The following SLC15A4 variants were observed in gnomAD, a reference collection of about 807,000 sequenced individuals.
SLC15A4 encodes solute carrier family 15 member 4, also known as hPHT1.
In SLC15A4, 26 loss-of-function variants were observed where a neutral mutation model predicts 46.1. That is an observed-to-expected ratio of 0.56 (90% CI 0.41 to 0.78). The LOEUF is 0.78. Ranked by LOEUF, SLC15A4 falls within the 30% of genes least tolerant of loss-of-function variation. The probability of loss-of-function intolerance (pLI) is 0.00; values close to 1 mark genes in which losing one functional copy is unlikely to be tolerated. For synonymous variants in SLC15A4, 370 were observed against 333.4 expected, an observed-to-expected ratio of 1.11 and a Z score of -1.20; for missense variants, 751 against 755.7, an observed-to-expected ratio of 0.99 and a Z score of 0.07.
intron 1 of SLC15A4, among the ~76,000 whole-genome samples, chr12:128,818,835 G>C (rs188236691): frequency 1.3e-5 from 2 of 152,078 alleles, no homozygotes; most frequent in Non-Finnish European, 2.9e-5. Context: ...CGCCTCTTCC[G>C]GGCATTCCAC....
intron 1 of SLC15A4, among the ~76,000 whole-genome samples, chr12:128,816,526 A>G (rs1028451045): frequency 6.6e-6 from 1 of 152,164 alleles, no homozygotes. Context: ...CACATTCTCA[A>G]TGGGGCCAAA....
rs1209145600 is a variant in SLC15A4 at position 128,810,226 on chromosome 12, C to A, written c.843-115G>T. 15 of 930,192 alleles carry A rather than the reference C, an allele frequency of 1.6e-5. No individual in the cohort carries two copies. The Admixed American group carries it at 2.8e-4, about 17-fold the overall frequency. The allele number at this position is 930,192 out of a possible 1,614,324, so 57.6% of individuals were successfully genotyped here. A position where few individuals can be genotyped will look rare whatever the true frequency, so the allele number is the denominator to read the frequency against. ...GCTCACTGTATTGAATCTGCTTCAA[C>A]TCATTCCATCACTTACTAATTGTAC... On this transcript the variant is annotated intron_variant, in intron 2 of 7. Transcript: ENST00000266771.
At chr12:128,804,204 T>C (rs1173423151) in intron 5 of SLC15A4, among the ~76,000 whole-genome samples, 1 of 152,208 alleles carries the variant, frequency 6.6e-6, no homozygotes, top group Non-Finnish European at 1.5e-5. Flanking sequence ...CTCAACAAAA[T>C]TTGCCATCAT....
intron 3 of SLC15A4, 91 bp downstream of exon 3, chr12:128,809,852 G>A: frequency 7.5e-7 from 1 of 1,332,516 alleles, no homozygotes; most frequent in Non-Finnish European, 1.0e-6. Context: ...AAATCACCTA[G>A]TCCTACCTAC....
rs765954434 is a variant in SLC15A4 at position 128,808,935 on chromosome 12, T to C, written c.1111A>G (p.Met371Val). Residue 371 changes from methionine to valine, a missense_variant, in exon 5 of 8, where the codon ATG becomes GTG. By Grantham distance (21) the Met-to-Val change is conservative. Transcript: ENST00000266771. ...AGGAGGATGAGCACAGCATCAAACATGGTCAGCCAGGCTGCAGGGAGCTGG... is the reference window on the plus strand; with the variant it reads ...AGGAGGATGAGCACAGCATCAAACACGGTCAGCCAGGCTGCAGGGAGCTGG... ...PHTLPAAWLT[M>V]FDAVLILLLI... is the part of the protein sequence containing the mutation. 1.9e-6 allele frequency: 3 copies of C among 1,613,986 alleles called. No individual in the cohort carries two copies. Among genetic ancestry groups the C allele is most frequent in the Non-Finnish European group, 1.7e-6 (2 of 1,179,916 alleles).
chr12:128,814,539 G>A (rs1566055382), intron 2 of SLC15A4: 1 of 499,190 alleles, frequency 2.0e-6, no homozygotes, highest in Non-Finnish European at 3.6e-6. Context: ...GAGAGAAAGT[G>A]CAACGTGGGG....
At chr12:128,800,814 G>T in intron 6 of SLC15A4, 40 bp downstream of exon 6, 1 of 1,579,202 alleles carries the variant, frequency 6.3e-7, no homozygotes, top group Non-Finnish European at 8.6e-7. Flanking sequence ...GCTCACGCTT[G>T]TGCCTGGACT....
chr12:128,797,617 G>A lies in SLC15A4; in HGVS notation c.1573+1642C>T, dbSNP rs573269322. 5.6e-4 allele frequency among the ~76,000 whole-genome samples: 86 copies of A among 152,338 alleles called. No individual in the cohort carries two copies. In the South Asian group the frequency reaches 0.01, roughly 18 times the overall value. ...GGGGACTCTCCCTTCACAGTGCTGTGACTTTACAGAAAGCTATTTCCTGTG... is the reference window on the plus strand; with the variant it reads ...GGGGACTCTCCCTTCACAGTGCTGTAACTTTACAGAAAGCTATTTCCTGTG... On this transcript the variant is annotated intron_variant, in intron 7 of 7. Transcript: ENST00000266771.
chr12:128,802,874 C>A (rs1295967060), intron 5 of SLC15A4, among the ~76,000 whole-genome samples: 1 of 152,162 alleles, frequency 6.6e-6, no homozygotes, highest in Non-Finnish European at 1.5e-5. Flanking sequence ...AGATGAGCAG[C>A]GGCAAAGGCG....
At chr12:128,803,086 A>G (rs1236347746) in intron 5 of SLC15A4, among the ~76,000 whole-genome samples, 1 of 151,102 alleles carries the variant, frequency 6.6e-6, no homozygotes, top group Non-Finnish European at 1.5e-5. Flanking sequence ...AAAAACAAGC[A>G]TGGGATGCGA....
rs1279318674 is a variant in SLC15A4, at chr12:128,823,817, T to C, written c.127A>G (p.Thr43Ala). ...AAAGCGGCGCGCTCCAGCAGCTCCG[T>C]CAGCAGCACGGCCCCGCACGCCGCG... is the stretch of plus-strand genomic sequence containing the variant. ...RRAACGAVLL[T>A]ELLERAAFYG... is the part of the protein sequence containing the mutation. Residue 43 changes from threonine (T) to alanine (A), a missense_variant, in exon 1 of 8, where the codon ACG becomes GCG. Physicochemically the swap from Thr to Ala is moderately conservative, Grantham distance 58. Coordinates refer to ENST00000266771, the MANE Select transcript of SLC15A4 (RefSeq NM_145648.4). 2.0e-6 allele frequency: 3 copies of C among 1,474,088 alleles called. 1 individual carries two copies. The South Asian group carries it at 3.8e-5, about 19-fold the overall frequency. 91.3% of individuals were successfully genotyped at this position (1,474,088 alleles called of 1,614,324 possible). A position where few individuals can be genotyped will look rare whatever the true frequency, so the allele number is the denominator to read the frequency against.
intron 2 of SLC15A4, among the ~76,000 whole-genome samples, chr12:128,811,152 G>C (rs540067577): frequency 4.3e-4 from 66 of 152,328 alleles, no homozygotes; most frequent in Middle Eastern, 3.4e-3. Flanking sequence ...CGGGCTCCAA[G>C]GATCTCAGGG....
Position 128,800,857 on chromosome 12 carries a change from C to T in SLC15A4, c.1411G>A (p.Ala471Thr), listed in dbSNP as rs1368522898. 6.2e-7 allele frequency: 1 copy of T among 1,610,046 alleles called. No individual in the cohort carries two copies. Among genetic ancestry groups the T allele is most frequent in the Non-Finnish European group, 8.5e-7 (1 of 1,178,186 alleles). Residue 471 changes from alanine (A) to threonine (T), a missense_variant, in exon 6 of 8, where the codon GCA (alanine) becomes ACA (threonine). Ala to Thr is a moderately conservative substitution (Grantham distance 58). Transcript: ENST00000266771. ...IGISEIFASI[A>T]GLEFAYSAAP... Reference sequence around the variant, plus strand: ...CTCCGGCACTAAAGGTCCTCACCTGCGATACTTGCAAAGATCTCGCTGATC... The same window carrying T: ...CTCCGGCACTAAAGGTCCTCACCTGTGATACTTGCAAAGATCTCGCTGATC...
intron 6 of SLC15A4, 134 bp downstream of exon 6, chr12:128,800,719 TA>T: frequency 3.3e-6 from 3 of 895,902 alleles, no homozygotes; most frequent in Non-Finnish European, 3.2e-6. Flanking sequence ...ATTCATATTC[TA>T]AACCACACAC....
chr12:128,816,598 G>T (rs1407809792), intron 1 of SLC15A4, among the ~76,000 whole-genome samples: 1 of 152,186 alleles, frequency 6.6e-6, no homozygotes, highest in Non-Finnish European at 1.5e-5. Flanking sequence ...TGGGAAGCCA[G>T]GGCAGGCAGA....
intron 7 of SLC15A4, among the ~76,000 whole-genome samples, chr12:128,798,109 A>G (rs1593002813): frequency 6.6e-6 from 1 of 152,388 alleles, no homozygotes; most frequent in East Asian, 1.9e-4. Context: ...ATGACTAGAA[A>G]GCAACGAGAA....
At chr12:128,804,424 G>A (rs1323667234) in intron 5 of SLC15A4, among the ~76,000 whole-genome samples, 1 of 152,190 alleles carries the variant, frequency 6.6e-6, no homozygotes, top group Non-Finnish European at 1.5e-5. Flanking sequence ...TTATTAAATA[G>A]AATAGAATAA....
intron 1 of SLC15A4, among the ~76,000 whole-genome samples, chr12:128,822,949 C>A (rs763506288): frequency 3.9e-5 from 6 of 152,140 alleles, no homozygotes; most frequent in Non-Finnish European, 8.8e-5. Flanking sequence ...CTCGTAGGCT[C>A]AAGGAATCCT....
intron 7 of SLC15A4, among the ~76,000 whole-genome samples, chr12:128,798,362 A>G (rs1268535246): frequency 6.6e-6 from 1 of 152,232 alleles, no homozygotes; most frequent in Non-Finnish European, 1.5e-5. Context: ...TGGCACCCAC[A>G]GCCAGAAAAC....
Sources: allele counts gnomAD v4.1 joint callset (sites outside exome capture counted in the v4.1 genomes callset), GRCh38; gene constraint gnomAD v4.1.1; transcripts MANE v1.5; gene names NCBI Gene and HGNC (gene_info 2026-07-23, HGNC 2026-07-21).